The following SH2D1B variants were observed in gnomAD, a reference collection of about 807,000 sequenced individuals.
SH2D1B encodes SH2 domain containing 1B.
In SH2D1B, 11 loss-of-function variants were observed where a neutral mutation model predicts 16.3. The observed-to-expected ratio is 0.67, with a 90% CI of 0.42 to 1.11. The LOEUF (loss-of-function observed/expected upper bound fraction) is 1.11. Ranked by LOEUF, SH2D1B falls within the 50% of genes most tolerant of loss-of-function variation. The pLI is 0.00. For missense variants in SH2D1B, 123 were observed against 153.1 expected, an observed-to-expected ratio of 0.80 and a Z score of 1.04; for synonymous variants, 55 against 56.1, an observed-to-expected ratio of 0.98 and a Z score of 0.09.
chr1:162,404,300 C>T (rs1648600346), intron 1 of SH2D1B, among the ~76,000 whole-genome samples: 2 of 152,076 alleles, frequency 1.3e-5, no homozygotes, highest in South Asian at 4.2e-4. Flanking sequence ...GGTGCCACTG[C>T]ACTCCAGCCT....
intron 1 of SH2D1B, among the ~76,000 whole-genome samples, chr1:162,409,581 T>C (rs1438647905): frequency 6.7e-6 from 1 of 149,608 alleles, no homozygotes; most frequent in Non-Finnish European, 1.5e-5. Context: ...TTCCACTCTT[T>C]GTTTATTTTA....
At position 162,397,151 on chromosome 1, in the gene SH2D1B, A is replaced by C; in HGVS notation, c.*129T>G. 1 of 965,620 alleles carries C rather than the reference A, an allele frequency of 1.0e-6. No homozygotes were observed. Among genetic ancestry groups the C allele is most frequent in the Non-Finnish European group, 1.6e-6 (1 of 621,880 alleles). The allele number at this position is 965,620 out of a possible 1,614,324, so 59.8% of individuals were successfully genotyped here. A position where few individuals can be genotyped will look rare whatever the true frequency, so the allele number is the denominator to read the frequency against. On this transcript the variant is annotated 3_prime_UTR_variant, in exon 4 of 4. Coordinates refer to ENST00000367929, the MANE Select transcript of SH2D1B (RefSeq NM_053282.5). Reference sequence around the variant, plus strand: ...TGGTGCTGGTGGGCAGAACATCTTCAGTTACACAACCAGGAGAGTCTGAAT... The same window carrying C: ...TGGTGCTGGTGGGCAGAACATCTTCCGTTACACAACCAGGAGAGTCTGAAT...
intron 1 of SH2D1B, among the ~76,000 whole-genome samples, chr1:162,410,654 T>C (rs949580641): frequency 7.0e-6 from 1 of 141,988 alleles, no homozygotes; most frequent in African/African-American, 2.7e-5. Flanking sequence ...GTTTTTCTTT[T>C]TCTTTTTTTT....
At chr1:162,404,820 G>A (rs539086632) in intron 1 of SH2D1B, among the ~76,000 whole-genome samples, 3 of 152,316 alleles carry the variant, frequency 2.0e-5, no homozygotes, top group African/African-American at 7.2e-5. Flanking sequence ...AGGATGTAGA[G>A]CAATCAGAAC....
intron 1 of SH2D1B, among the ~76,000 whole-genome samples, chr1:162,409,690 T>C (rs1248796222): frequency 1.3e-5 from 2 of 152,268 alleles, no homozygotes; most frequent in Non-Finnish European, 2.9e-5. Flanking sequence ...GCGATTCTCA[T>C]GCCTCAGCCT....
chr1:162,400,299 T>TC, intron 2 of SH2D1B, among the ~76,000 whole-genome samples: 1 of 143,196 alleles, frequency 7.0e-6, no homozygotes. Flanking sequence ...TTTTTTTTTT[T>TC]TTTTTTTTTT....
At chr1:162,401,960 T>C (rs1224232751) in intron 2 of SH2D1B, among the ~76,000 whole-genome samples, 1 of 152,236 alleles carries the variant, frequency 6.6e-6, no homozygotes, top group Non-Finnish European at 1.5e-5. Flanking sequence ...AAAATGTTTT[T>C]CTGCTTAGCT....
rs772811656 is a variant in SH2D1B at position 162,398,947 on chromosome 1, C to T, written c.339G>A (p.Leu113=). Residue 113 remains leucine, a synonymous_variant, in exon 3 of 4, where the codon TTG becomes TTA. Transcript: ENST00000367929. ...RTSPSLRWRG[L]KLELETFVNS... is the part of the protein sequence containing the mutation. Reference sequence around the variant, plus strand: ...CCACAAATGTTTCCAACTCTAATTTCAATCCTCTCCATCTCAAGCTGGGGC... The same window carrying T: ...CCACAAATGTTTCCAACTCTAATTTTAATCCTCTCCATCTCAAGCTGGGGC... 3.1e-6 allele frequency: 5 copies of T among 1,612,662 alleles called. No individual in the cohort carries two copies. Among genetic ancestry groups the T allele is most frequent in the East Asian group, 4.5e-5 (2 of 44,854 alleles).
At chr1:162,402,999 C>A (rs1400705913) in intron 1 of SH2D1B, among the ~76,000 whole-genome samples, 197 bp from the exon 2 acceptor site, 1 of 151,758 alleles carries the variant, frequency 6.6e-6, no homozygotes, top group Non-Finnish European at 1.5e-5. Context: ...ACCTCCGCCT[C>A]CCGGGTTCAA....
chr1:162,400,302 T>TC lies in SH2D1B; in HGVS notation c.199-1216_199-1215insG, dbSNP rs1206478603. ...CACCACGTACTTTTTTTTTTTTTTT[T>TC]TTTTTTTGAGACGGAGTCTCACTCT... On this transcript the variant is annotated intron_variant, in intron 2 of 3. Transcript: ENST00000367929. Among the ~76,000 whole-genome samples the TC allele has an allele frequency of 2.8e-5, 4 of 144,486 alleles. No homozygotes were observed. The East Asian group carries it at 8.1e-4, about 29-fold the overall frequency. 94.8% of individuals were successfully genotyped at this position (144,486 alleles called of 152,430 possible).
chr1:162,399,109 A>C (rs192697206), intron 2 of SH2D1B, 22 bp from the exon 3 acceptor site: 1 of 1,594,404 alleles, frequency 6.3e-7, no homozygotes, highest in Admixed American at 1.7e-5. Context: ...CAAGAAAGGA[A>C]ATCACTCATT....
In SH2D1B at chr1:162,411,984, G is replaced by A. The variant is rs142252768; in HGVS notation, c.33C>T (p.Thr11=). The A allele has an allele frequency of 5.0e-6, 8 of 1,614,010 alleles. No homozygotes were observed. In the African/African-American group the frequency reaches 1.1e-4, roughly 22 times the overall value. The change falls in exon 1 of 4, where the codon ACC becomes ACT. Residue 11 remains threonine (T), a synonymous_variant. Coordinates refer to ENST00000367929, the MANE Select transcript of SH2D1B (RefSeq NM_053282.5). ...GCAGCAAGGTCTCACAGTCTTGCTT[G>A]GTCAGACGTCCATGGTAGTAAGGCA... MDLPYYHGRL[T]KQDCETLLLK... is the part of the protein sequence containing the mutation.
At chr1:162,398,414 C>T (rs755693164) in intron 3 of SH2D1B, among the ~76,000 whole-genome samples, 1 of 152,164 alleles carries the variant, frequency 6.6e-6, no homozygotes, top group Non-Finnish European at 1.5e-5. Context: ...ATTTGAGAGG[C>T]TTAGGCAGGG....
At chr1:162,406,553 T>C (rs1648658677) in intron 1 of SH2D1B, among the ~76,000 whole-genome samples, 1 of 152,104 alleles carries the variant, frequency 6.6e-6, no homozygotes. Context: ...GATTTCAGAG[T>C]GGTGAGACTG....
intron 1 of SH2D1B, among the ~76,000 whole-genome samples, chr1:162,407,738 T>C (rs1279492520): frequency 3.3e-5 from 5 of 152,228 alleles, no homozygotes; most frequent in African/African-American, 4.8e-5. Flanking sequence ...GAGAAACCTT[T>C]CCTGTACCCA....
intron 2 of SH2D1B, among the ~76,000 whole-genome samples, chr1:162,402,187 A>T (rs1648530558): frequency 1.3e-5 from 2 of 152,150 alleles, no homozygotes; most frequent in South Asian, 4.1e-4. Context: ...CCAGTGGAGG[A>T]GCCACAGTGG....
At chr1:162,410,119 T>C (rs1446628853) in intron 1 of SH2D1B, among the ~76,000 whole-genome samples, 1 of 152,202 alleles carries the variant, frequency 6.6e-6, no homozygotes, top group Non-Finnish European at 1.5e-5. Context: ...CCTAGCTATC[T>C]GATCACTGTT....
chr1:162,408,847 C>T (rs145527895), intron 1 of SH2D1B, among the ~76,000 whole-genome samples: 609 of 152,156 alleles, frequency 4.0e-3, no homozygotes, highest in African/African-American at 0.013. Context: ...GTGGCTCATG[C>T]CTGTAATCCC....
intron 1 of SH2D1B, among the ~76,000 whole-genome samples, chr1:162,405,259 G>A (rs1356907831): frequency 6.6e-6 from 1 of 152,238 alleles, no homozygotes; most frequent in Non-Finnish European, 1.5e-5. Context: ...GTGGCCCAGA[G>A]TCTGGGCATA....
Sources: gnomAD v4.1 joint callset for allele counts (sites outside exome capture counted in the v4.1 genomes callset) on GRCh38, gnomAD v4.1.1 for gene constraint, MANE v1.5 for transcripts, NCBI Gene and HGNC (gene_info 2026-07-23, HGNC 2026-07-21) for gene names.